EBF2: variants seen among roughly 807,000 people sequenced by gnomAD.
EBF2 encodes the protein EBF transcription factor 2, also known as transcription factor COE2.
In EBF2, 21 loss-of-function variants were observed where a neutral mutation model predicts 72.8. That is an observed-to-expected ratio of 0.29 (90% CI 0.20 to 0.42). EBF2 has a LOEUF of 0.42. Among genes scored for constraint, EBF2 ranks in the 10% least tolerant of loss-of-function variants. The pLI is 1.00. For missense variants in EBF2, 637 were observed against 731.2 expected, an observed-to-expected ratio of 0.87 and a Z score of 1.49; for synonymous variants, 299 against 274.2, an observed-to-expected ratio of 1.09 and a Z score of -0.89.
At chr8:25,965,244 T>G (rs1311861253) in intron 6 of EBF2, among the ~76,000 whole-genome samples, 1 of 152,200 alleles carries the variant, frequency 6.6e-6, no homozygotes, top group Non-Finnish European at 1.5e-5. Context: ...AAAAGAGCAA[T>G]GTTTACTTTG....
chr8:25,883,119 T>C (rs1802630216), intron 10 of EBF2, among the ~76,000 whole-genome samples: 1 of 152,244 alleles, frequency 6.6e-6, no homozygotes, highest in Non-Finnish European at 1.5e-5. Context: ...TTAATCTTCA[T>C]ATTCCCTTAA....
intron 14 of EBF2, among the ~76,000 whole-genome samples, chr8:25,851,302 G>GTTTATTAAACTTCCTCATTAAA (rs1801965901): frequency 6.7e-6 from 1 of 148,478 alleles, no homozygotes; most frequent in Non-Finnish European, 1.5e-5. Flanking sequence ...AAATGTAAAA[G>GTTTATTAAACTTCCTCATTAAA]TGTATTAACA....
chr8:25,946,065 A>G (rs560870496), intron 6 of EBF2, among the ~76,000 whole-genome samples: 3 of 152,198 alleles, frequency 2.0e-5, no homozygotes, highest in Non-Finnish European at 2.9e-5. Context: ...GCCTGGCGTG[A>G]TGGGGAAATG....
chr8:25,847,411 G>T (rs1281703829), intron 15 of EBF2, among the ~76,000 whole-genome samples: 1 of 152,094 alleles, frequency 6.6e-6, no homozygotes, highest in Non-Finnish European at 1.5e-5. Flanking sequence ...ATGTCAGCTT[G>T]GTTTCCTCTC....
At chr8:25,909,436 G>A (rs1262292493) in intron 6 of EBF2, among the ~76,000 whole-genome samples, 2 of 150,896 alleles carry the variant, frequency 1.3e-5, no homozygotes, top group East Asian at 3.9e-4. Context: ...CTTTTGCAGT[G>A]TTAAAGTCCC....
At chr8:25,967,513 T>C (rs2117185207) in intron 6 of EBF2, among the ~76,000 whole-genome samples, 1 of 152,352 alleles carries the variant, frequency 6.6e-6, no homozygotes, top group Admixed American at 6.5e-5. Context: ...ACAAAGCCTA[T>C]GTTATAATAA....
At chr8:25,904,309 A>G (rs995145486) in intron 7 of EBF2, among the ~76,000 whole-genome samples, 15 of 150,812 alleles carry the variant, frequency 9.9e-5, no homozygotes, top group Non-Finnish European at 1.6e-4. Flanking sequence ...TTTATGTCCT[A>G]TAATACTTAG....
intron 6 of EBF2, among the ~76,000 whole-genome samples, chr8:25,947,145 A>G (rs1478108265): frequency 2.0e-5 from 3 of 152,134 alleles, no homozygotes; most frequent in African/African-American, 7.2e-5. Context: ...CTCATCTTGA[A>G]TTGTAGCTTC....
intron 6 of EBF2, among the ~76,000 whole-genome samples, chr8:25,988,766 C>T (rs1804499932): frequency 6.6e-6 from 1 of 152,278 alleles, no homozygotes; most frequent in African/African-American, 2.4e-5. Flanking sequence ...AAGACATTTG[C>T]TACTAGGACC....
chr8:25,893,545 T>G (rs1043193044), intron 7 of EBF2, among the ~76,000 whole-genome samples: 10 of 152,126 alleles, frequency 6.6e-5, no homozygotes, highest in Admixed American at 3.3e-4. Context: ...CCCAAAGTGC[T>G]GGGATTACAG....
intron 6 of EBF2, among the ~76,000 whole-genome samples, chr8:26,030,425 T>C (rs1241452549): frequency 7.9e-6 from 1 of 126,294 alleles, no homozygotes; most frequent in Non-Finnish European, 1.7e-5. Flanking sequence ...GGGACTGTTG[T>C]GGGGTGGGGG....
intron 6 of EBF2, among the ~76,000 whole-genome samples, chr8:25,987,913 A>G (rs1289716787): frequency 6.6e-6 from 1 of 151,594 alleles, no homozygotes; most frequent in Non-Finnish European, 1.5e-5. Context: ...AATCATCTTC[A>G]TTGTCATGTC....
intron 6 of EBF2, among the ~76,000 whole-genome samples, chr8:25,963,384 A>T (rs1341221433): frequency 1.3e-5 from 2 of 152,194 alleles, no homozygotes; most frequent in Non-Finnish European, 2.9e-5. Context: ...GGCATTTTTA[A>T]CATAAAGGCA....
rs944902211 is a variant in EBF2 at position 25,992,124 on chromosome 8, G to C, written c.551+40961C>G. On this transcript the variant is annotated intron_variant, in intron 6 of 15. Transcript: ENST00000520164. ...AGGCTCACTGCAACCTCCACCTCCC[G>C]AGTTCAAGTGATTCTCCTACCTTGG... 2.0e-5 allele frequency among the ~76,000 whole-genome samples: 3 copies of C among 151,592 alleles called. No homozygotes were observed. The East Asian group carries it at 5.9e-4, about 30-fold the overall frequency.
intron 6 of EBF2, among the ~76,000 whole-genome samples, chr8:25,934,520 G>A (rs936043901): frequency 3.3e-5 from 5 of 152,122 alleles, no homozygotes; most frequent in East Asian, 1.9e-4. Flanking sequence ...GGAAGCACAC[G>A]AATCCAAATT....
At position 26,040,984 on chromosome 8, in the gene EBF2, T is replaced by A. The variant is rs766555722; in HGVS notation, c.307A>T (p.Thr103Ser). The change falls in exon 3 of 16, where the codon ACC becomes TCC. Residue 103 changes from threonine to serine, a missense_variant. Physicochemically the swap from Thr to Ser is moderately conservative, Grantham distance 58. This residue lies in a region of EBF2 where 174 missense variants were observed against 161.9 expected (regional missense o/e 1.07). Transcript: ENST00000520164. ...ENDKEQGNEK[T>S]NNGTHYKLQL... The stretch of plus-strand genomic sequence containing the variant: ...AACTTGTAGTGAGTGCCGTTGTTGG[T>A]CTTCTCGTTGCCTTGTTCCTGAAAA... 6.2e-7 allele frequency: 1 copy of A among 1,614,168 alleles called. No individual in the cohort carries two copies. Among genetic ancestry groups the A allele is most frequent in the South Asian group, 1.1e-5 (1 of 91,062 alleles).
chr8:25,908,791 C>T (rs920487314), intron 6 of EBF2, among the ~76,000 whole-genome samples: 5 of 152,158 alleles, frequency 3.3e-5, no homozygotes, highest in Admixed American at 3.3e-4. Context: ...AAGTGGTTCA[C>T]AAGGTGGGCT....
chr8:25,939,394 G>C (rs773104796), intron 6 of EBF2, among the ~76,000 whole-genome samples: 1 of 152,112 alleles, frequency 6.6e-6, no homozygotes. Context: ...CTCCGTGTGC[G>C]TGTGTATGTG....
chr8:25,851,639 G>A (rs1237555960), intron 14 of EBF2, among the ~76,000 whole-genome samples: 2 of 152,172 alleles, frequency 1.3e-5, no homozygotes, highest in African/African-American at 2.4e-5. Flanking sequence ...GCACCTTATA[G>A]TATAGTTTTA....
Sources: gnomAD v4.1 joint callset for allele counts (sites outside exome capture counted in the v4.1 genomes callset) on GRCh38, gnomAD v4.1.1 for gene constraint, gnomAD v4.1.1 regional missense constraint, MANE v1.5 for transcripts, NCBI Gene and HGNC (gene_info 2026-07-23, HGNC 2026-07-21) for gene names.